TNK2: variants seen among roughly 807,000 people sequenced by gnomAD.
TNK2 encodes the protein tyrosine kinase non receptor 2.
A neutral mutation model predicts 101.8 loss-of-function variants in TNK2; 83 were observed. The observed-to-expected ratio is 0.82, with a 90% CI of 0.68 to 0.98. The LOEUF (loss-of-function observed/expected upper bound fraction) is 0.98. Among genes scored for constraint, TNK2 ranks in the 50% least tolerant of loss-of-function variants. TNK2 has a pLI of 0.00. For synonymous variants in TNK2, 804 were observed against 633.0 expected (o/e 1.27, Z -4.06); for missense variants, 1,665 against 1,483.2 (o/e 1.12, Z -2.01).
In TNK2 at chr3:195,888,658, G is replaced by A; in HGVS notation, c.-18-52C>T. On this transcript the variant is annotated intron_variant, in intron 1 of 15. Transcript: ENST00000672887. This position sits in a 1 kb window ranked among gnomAD's most constrained non-coding sequence, Gnocchi z 5.3. ...CAAGGGTTGTGGGGGGACAACAGGG[G>A]CCTGCCCGAGTGACCTGGGCTCACC... The A allele has an allele frequency of 2.0e-6, 3 of 1,521,948 alleles. No individual in the cohort carries two copies. Among genetic ancestry groups the A allele is most frequent in the Non-Finnish European group, 2.7e-6 (3 of 1,127,948 alleles). The allele number at this position is 1,521,948 out of a possible 1,614,324, so 94.3% of individuals were successfully genotyped here. A position where few individuals can be genotyped will look rare whatever the true frequency, so the allele number is the denominator to read the frequency against.
intron 12 of TNK2, 131 bp downstream of exon 12, chr3:195,869,366 G>C: frequency 2.1e-6 from 2 of 968,292 alleles, no homozygotes; most frequent in Non-Finnish European, 1.6e-6. Context: ...CAGGGCAGCC[G>C]CGGAAGCTCA....
intron 4 of TNK2, 126 bp downstream of exon 4, chr3:195,884,686 G>T (rs2149587941): frequency 2.5e-6 from 2 of 803,370 alleles, no homozygotes; most frequent in Non-Finnish European, 3.8e-6. Flanking sequence ...CCTGAGCACG[G>T]ACTCTGGGAT....
Position 195,882,556 on chromosome 3 carries a change from G to A in TNK2, c.610-228C>T. The A allele has an allele frequency of 6.6e-7, 1 of 1,521,020 alleles. No homozygotes were observed. 94.2% of individuals were successfully genotyped at this position (1,521,020 alleles called of 1,614,324 possible). On this transcript the variant is annotated intron_variant, in intron 5 of 15. Coordinates refer to ENST00000672887, the MANE Select transcript of TNK2 (RefSeq NM_001382273.1). This position sits in a 1 kb window ranked among gnomAD's most constrained non-coding sequence, Gnocchi z 4.2. ...GAGAGAAGGAGCCCAAAGAGGCAGTGGCTAGAAATTCCAAAACTCAGCTGG... is the reference window on the plus strand; with the variant it reads ...GAGAGAAGGAGCCCAAAGAGGCAGTAGCTAGAAATTCCAAAACTCAGCTGG...
rs367875575 is a variant in TNK2, at chr3:195,878,169, A to T, written c.1256+84T>A. 40 of 1,430,370 alleles carry T rather than the reference A, an allele frequency of 2.8e-5. No individual in the cohort carries two copies. In the East Asian group the frequency reaches 5.2e-4, roughly 19 times the overall value. The allele number at this position is 1,430,370 out of a possible 1,614,324, so 88.6% of individuals were successfully genotyped here. The stretch of plus-strand genomic sequence containing the variant: ...CTGTATGTGGCCAAGGGAATCTTGG[A>T]GGCCAAACAGATCTGTCCACAGGTC... On this transcript the variant is annotated intron_variant, in intron 9 of 15. Coordinates refer to ENST00000672887, the MANE Select transcript of TNK2 (RefSeq NM_001382273.1). This position sits in a 1 kb window ranked among gnomAD's most constrained non-coding sequence, Gnocchi z 4.7.
intron 1 of TNK2, chr3:195,908,236 C>A: frequency 6.5e-6 from 1 of 154,150 alleles, no homozygotes; most frequent in Non-Finnish European, 1.4e-5. Flanking sequence ...TCTGCACAGA[C>A]CTGGCAGCCA....
chr3:195,884,769 G>A (rs992141726), intron 4 of TNK2, 43 bp downstream of exon 4: 4 of 1,549,158 alleles, frequency 2.6e-6, no homozygotes, highest in Non-Finnish European at 3.5e-6. Flanking sequence ...ACCAGCCCCG[G>A]GTCCCATGCC....
At position 195,869,127 on chromosome 3, in the gene TNK2, G is replaced by A. The variant is rs142511086; in HGVS notation, c.1588+370C>T. On this transcript the variant is annotated intron_variant, in intron 12 of 15. Transcript: ENST00000672887. ...GCCTCCTGCCATCAGGGGCTATAAG[G>A]ACTATCCTTGGAGAGGACAGTACTC... The A allele has an allele frequency of 1.6e-3, 798 of 500,262 alleles. 6 individuals are homozygous for A. Among genetic ancestry groups the A allele is most frequent in the Middle Eastern group, 3.7e-3 (7 of 1,870 alleles). 31.0% of individuals were successfully genotyped at this position (500,262 alleles called of 1,614,324 possible).
chr3:195,868,779 C>G (rs538927174), intron 12 of TNK2, 70 bp from the exon 13 acceptor site: 2 of 1,460,814 alleles, frequency 1.4e-6, no homozygotes, highest in East Asian at 5.1e-5. Flanking sequence ...GGAGGTGGCA[C>G]GTGGGAGAGA....
At chr3:195,866,227 G>C (rs1576976988) in intron 15 of TNK2, among the ~76,000 whole-genome samples, 1 of 151,704 alleles carries the variant, frequency 6.6e-6, no homozygotes, top group East Asian at 1.9e-4. Context: ...TTTGGAGACA[G>C]TCTCCCTCTG....
At chr3:195,879,702 T>C (rs990888527) in intron 6 of TNK2, among the ~76,000 whole-genome samples, 2 of 152,022 alleles carry the variant, frequency 1.3e-5, no homozygotes, top group African/African-American at 4.8e-5. Context: ...GCCACTGCAG[T>C]GAGGTCAGAA....
Position 195,878,336 on chromosome 3 carries a change from T to C in TNK2, c.1173A>G (p.Thr391=). ...CAAAGTCCTGAAGGGCCCGCATGTCTGTGGGCTGGGCCTGGAGGAAGAGGA... is the reference window on the plus strand; with the variant it reads ...CAAAGTCCTGAAGGGCCCGCATGTCCGTGGGCTGGGCCTGGAGGAAGAGGA... ...LRDFLLEAQP[T]DMRALQDFEE... Residue 391 remains threonine, a synonymous_variant, in exon 9 of 16, where the codon ACA becomes ACG. Transcript: ENST00000672887. The surrounding 1 kb of genome is among the most constrained non-coding windows in gnomAD (Gnocchi z 4.7). 1 of 1,614,128 alleles carries C rather than the reference T, an allele frequency of 6.2e-7. No individual in the cohort carries two copies. The highest frequency in any genetic ancestry group is 8.5e-7 in the Non-Finnish European group (1 of 1,180,032).
intron 1 of TNK2, among the ~76,000 whole-genome samples, chr3:195,891,715 C>G (rs367938426): frequency 6.6e-6 from 1 of 152,230 alleles, no homozygotes; most frequent in African/African-American, 2.4e-5. Flanking sequence ...GCAGGGAGAG[C>G]AGTCTCCAGG....
At position 195,869,540 on chromosome 3, in the gene TNK2, C is replaced by A; in HGVS notation, c.1545G>T (p.Arg515Ser). ...GCTGAGGTGGGCGAGGTGGAGGCTC[C>A]CCTGCAAGAAAGGCCATGCGGACAG... The part of the protein sequence containing the change: ...RPPQHLGGVK[R>S]EPPPRPPQPA... The change falls in exon 12 of 16, where the codon AGG (arginine) becomes AGT (serine). Residue 515 changes from arginine (R) to serine (S), a missense_variant and splice_region_variant. Arg to Ser is a moderately radical substitution (Grantham distance 110). Coordinates refer to ENST00000672887, the MANE Select transcript of TNK2 (RefSeq NM_001382273.1). The A allele has an allele frequency of 6.4e-7, 1 of 1,551,186 alleles. No homozygotes were observed. The highest frequency in any genetic ancestry group is 8.7e-7 in the Non-Finnish European group (1 of 1,146,978).
chr3:195,869,067 CT>C (rs934129013), intron 12 of TNK2: 7 of 463,686 alleles, frequency 1.5e-5, no homozygotes, highest in African/African-American at 1.2e-4. Context: ...ATCCCCGCCC[CT>C]GTCACGGCAC....
In TNK2 at chr3:195,869,520, G is replaced by A; in HGVS notation, c.1565C>T (p.Pro522Leu). ...ACTCTGAGTGAAGAAGGCAGGCTGA[G>A]GTGGGCGAGGTGGAGGCTCCCCTGC... ...GVKREPPPRP[P>L]QPAFFTQKPT... is the part of the protein sequence containing the mutation. The change falls in exon 12 of 16, where the codon CCT (proline) becomes CTT (leucine). Residue 522 changes from proline to leucine, a missense_variant. Physicochemically the swap from Pro to Leu is moderately conservative, Grantham distance 98. Around this residue, in one of 3 missense-constraint regions of TNK2, gnomAD observed 1,136 missense variants for 894.9 expected, o/e 1.27. Coordinates refer to ENST00000672887, the MANE Select transcript of TNK2 (RefSeq NM_001382273.1). The A allele has an allele frequency of 6.4e-7, 1 of 1,551,102 alleles. No individual in the cohort carries two copies. The highest frequency in any genetic ancestry group is 2.4e-5 in the East Asian group (1 of 40,920).
chr3:195,866,240 G>A (rs577190929), intron 15 of TNK2, among the ~76,000 whole-genome samples: 11 of 150,884 alleles, frequency 7.3e-5, no homozygotes, highest in Admixed American at 1.3e-4. Context: ...TCCCTCTGTC[G>A]CCCAGGATGG....
intron 10 of TNK2, among the ~76,000 whole-genome samples, chr3:195,870,721 C>T (rs1404527571): frequency 6.6e-6 from 1 of 152,260 alleles, no homozygotes; most frequent in Non-Finnish European, 1.5e-5. Flanking sequence ...GTCACTGGGG[C>T]TGATTAAAGC....
intron 1 of TNK2, among the ~76,000 whole-genome samples, chr3:195,894,963 C>A (rs1760011998): frequency 1.3e-5 from 2 of 152,208 alleles, no homozygotes; most frequent in Non-Finnish European, 2.9e-5. Flanking sequence ...AAAGACTGAA[C>A]CCCAATCCTA....
In TNK2 at chr3:195,879,180, C is replaced by A. The variant is rs939597955; in HGVS notation, c.888-5G>T. On this transcript the variant is annotated splice_polypyrimidine_tract_variant and splice_region_variant and intron_variant, in intron 6 of 15. Transcript: ENST00000672887. ...TTCAGGCTCTCGGGGGCACACCTGG[C>A]AGAGGCAGGGGTCAAAGAGAAGCCC... The A allele has an allele frequency of 6.2e-7, 1 of 1,613,022 alleles. No homozygotes were observed. Among genetic ancestry groups the A allele is most frequent in the African/African-American group, 1.3e-5 (1 of 75,038 alleles).
Sources: gnomAD v4.1 joint callset for allele counts (sites outside exome capture counted in the v4.1 genomes callset) on GRCh38, gnomAD v4.1.1 for gene constraint, gnomAD v4.1.1 regional missense constraint, Gnocchi (gnomAD v3.1) non-coding constraint, MANE v1.5 for transcripts, NCBI Gene and HGNC (gene_info 2026-07-23, HGNC 2026-07-21) for gene names.